Variants in ASTN2 observed in about 807,000 individuals in gnomAD.
The protein encoded by ASTN2 is astrotactin-2.
Under a neutral mutation model 139.8 loss-of-function variants are expected in ASTN2, and 54 were observed. That is an observed-to-expected ratio of 0.39 (90% CI 0.31 to 0.48). The LOEUF is 0.48. ASTN2 is among the 20% of genes least tolerant of loss of function. The pLI, the probability that ASTN2 is intolerant of heterozygous loss-of-function variation, is 0.95. For synonymous variants in ASTN2, 756 were observed against 719.5 expected, an observed-to-expected ratio of 1.05 and a Z score of -0.81; for missense variants, 1,565 against 1,725.1, an observed-to-expected ratio of 0.91 and a Z score of 1.64.
intron 4 of ASTN2, among the ~76,000 whole-genome samples, chr9:117,098,818 G>A (rs1227113701): frequency 1.3e-5 from 2 of 151,484 alleles, no homozygotes; most frequent in Non-Finnish European, 2.9e-5. Context: ...AAGAAAAGAA[G>A]GGAGAAGGGC....
chr9:116,775,670 AGAGG>A (rs537415918), intron 13 of ASTN2, among the ~76,000 whole-genome samples: 10 of 97,508 alleles, frequency 1.0e-4, no homozygotes, highest in African/African-American at 2.0e-4. Context: ...AAGGAGGGTG[AGAGG>A]GAGGGAGGGA....
intron 13 of ASTN2, among the ~76,000 whole-genome samples, chr9:116,758,611 TGTTC>T (rs962989780): frequency 6.6e-6 from 1 of 152,230 alleles, no homozygotes; most frequent in African/African-American, 2.4e-5. Flanking sequence ...AATTCATCCC[TGTTC>T]TGCAAGCCAA....
At chr9:116,703,453 A>G (rs1470523402) in intron 16 of ASTN2, among the ~76,000 whole-genome samples, 2 of 151,998 alleles carry the variant, frequency 1.3e-5, no homozygotes, top group Admixed American at 1.3e-4. Flanking sequence ...GGAAACCATC[A>G]TTCTCAGTAA....
At chr9:117,218,485 C>A (rs1230435807) in intron 2 of ASTN2, among the ~76,000 whole-genome samples, 1 of 152,196 alleles carries the variant, frequency 6.6e-6, no homozygotes. Flanking sequence ...CTGAAACAGA[C>A]ATCCCAGGCT....
intron 6 of ASTN2, among the ~76,000 whole-genome samples, chr9:117,025,542 C>T (rs1838043115): frequency 6.6e-6 from 1 of 152,144 alleles, no homozygotes; most frequent in South Asian, 2.1e-4. Flanking sequence ...AACCTTGAAA[C>T]TCATAGGTCA....
intron 10 of ASTN2, among the ~76,000 whole-genome samples, chr9:116,963,361 C>A (rs1156796922): frequency 6.6e-6 from 1 of 152,124 alleles, no homozygotes; most frequent in Admixed American, 6.5e-5. Flanking sequence ...GAGGAAATAG[C>A]AATTGAGGAC....
chr9:117,377,347 A>C (rs1162033804), intron 1 of ASTN2, among the ~76,000 whole-genome samples: 6 of 152,176 alleles, frequency 3.9e-5, no homozygotes, highest in Non-Finnish European at 7.4e-5. Flanking sequence ...GCAGGCACTA[A>C]ACTGCAGGAA....
chr9:117,352,735 C>T (rs1366260303), intron 1 of ASTN2, among the ~76,000 whole-genome samples: 6 of 152,114 alleles, frequency 3.9e-5, no homozygotes, highest in South Asian at 2.1e-4. Context: ...AAAATTTCAT[C>T]GCTCGGCCAA....
intron 11 of ASTN2, among the ~76,000 whole-genome samples, chr9:116,852,882 C>CACACACACACACACACACACACACAA (rs1832647887): frequency 7.4e-6 from 1 of 134,254 alleles, no homozygotes; most frequent in Non-Finnish European, 1.7e-5. Context: ...GGAAAATACA[C>CACACACACACACACACACACACACAA]ACACACACAC....
chr9:116,648,758 G>A (rs1309851949), intron 17 of ASTN2, among the ~76,000 whole-genome samples: 1 of 151,844 alleles, frequency 6.6e-6, no homozygotes, highest in Non-Finnish European at 1.5e-5. Flanking sequence ...TAGGAGCTGG[G>A]CGCAGTGGCT....
intron 6 of ASTN2, among the ~76,000 whole-genome samples, chr9:117,016,616 CTATCTATCTATATATATATATA>C (rs1428391829): frequency 2.8e-4 from 12 of 42,470 alleles, no homozygotes; most frequent in African/African-American, 1.9e-3. Flanking sequence ...ATATCTATAT[CTATCTATCTATATATATATATA>C]TATATATATA....
intron 2 of ASTN2, among the ~76,000 whole-genome samples, chr9:117,228,235 A>G (rs1832777514): frequency 6.6e-6 from 1 of 152,066 alleles, no homozygotes; most frequent in African/African-American, 2.4e-5. Flanking sequence ...TGTTAAAGAG[A>G]GGGACTCCAA....
At position 117,388,698 on chromosome 9, in the gene ASTN2, A is replaced by G. The variant is rs572458106; in HGVS notation, c.442+25799T>C. Among the ~76,000 whole-genome samples the G allele has an allele frequency of 2.6e-5, 4 of 152,290 alleles. No homozygotes were observed. The East Asian group carries it at 7.7e-4, about 29-fold the overall frequency. On this transcript the variant is annotated intron_variant, in intron 1 of 22. Coordinates refer to ENST00000313400, the MANE Select transcript of ASTN2 (RefSeq NM_001365068.1). ...CAAGATTAGAAGTCAGAGCTCTTCA[A>G]CCACAGCCTGTGACGGCCTGGGCTG...
chr9:116,882,863 A>G (rs1833486885), intron 10 of ASTN2, among the ~76,000 whole-genome samples: 1 of 152,138 alleles, frequency 6.6e-6, no homozygotes, highest in African/African-American at 2.4e-5. Context: ...TCATCAATCA[A>G]GTTGGCAAAT....
intron 10 of ASTN2, among the ~76,000 whole-genome samples, chr9:116,866,198 A>C (rs1462431659): frequency 6.6e-6 from 1 of 152,188 alleles, no homozygotes; most frequent in Non-Finnish European, 1.5e-5. Context: ...CACAGTCTGG[A>C]AGGAAAGTGT....
chr9:117,241,442 A>G (rs1833202728), intron 2 of ASTN2, among the ~76,000 whole-genome samples: 1 of 152,178 alleles, frequency 6.6e-6, no homozygotes, highest in Non-Finnish European at 1.5e-5. Context: ...TTTTGGCACC[A>G]GGCACTGGTT....
intron 1 of ASTN2, among the ~76,000 whole-genome samples, chr9:117,392,069 G>C (rs1455850831): frequency 1.3e-5 from 2 of 152,204 alleles, no homozygotes; most frequent in African/African-American, 4.8e-5. Context: ...AGTTGAAGCA[G>C]AGAAGAGGCA....
chr9:116,890,089 G>A (rs2132386652), intron 10 of ASTN2, among the ~76,000 whole-genome samples: 1 of 152,324 alleles, frequency 6.6e-6, no homozygotes, highest in South Asian at 2.1e-4. Flanking sequence ...CAGAGGTATT[G>A]AACTGAGTTT....
intron 7 of ASTN2, among the ~76,000 whole-genome samples, chr9:116,993,853 G>A (rs973852310): frequency 7.6e-6 from 1 of 132,046 alleles, no homozygotes; most frequent in Admixed American, 8.0e-5. Flanking sequence ...GTATGTACAT[G>A]ATATATATAT....
Sources: allele counts gnomAD v4.1 joint callset (sites outside exome capture counted in the v4.1 genomes callset), GRCh38; gene constraint gnomAD v4.1.1; transcripts MANE v1.5; gene names NCBI Gene and HGNC (gene_info 2026-07-23, HGNC 2026-07-21).